The following CDH20 variants were observed in gnomAD, a reference collection of about 807,000 sequenced individuals.
CDH20 encodes cadherin-20.
In CDH20, 29 loss-of-function variants were observed where a neutral mutation model predicts 74.2. The ratio of observed to expected loss-of-function variants is 0.39; its 90% confidence interval spans 0.29 to 0.53. The LOEUF (loss-of-function observed/expected upper bound fraction) is 0.53, where lower values mean the gene tolerates loss of function less well. CDH20 is among the 20% of genes least tolerant of loss of function. The probability of loss-of-function intolerance (pLI) is 0.69; values close to 1 mark genes in which losing one functional copy is unlikely to be tolerated. For synonymous variants in CDH20, 469 were observed against 405.4 expected, an observed-to-expected ratio of 1.16 and a Z score of -1.88; for missense variants, 988 against 1,048.3, an observed-to-expected ratio of 0.94 and a Z score of 0.79.
At chr18:61,535,398 T>C (rs950113634) in intron 7 of CDH20, among the ~76,000 whole-genome samples, 1 of 152,206 alleles carries the variant, frequency 6.6e-6, no homozygotes, top group African/African-American at 2.4e-5. Context: ...TCATTGATGG[T>C]TCTCAATCAT....
intron 1 of CDH20, among the ~76,000 whole-genome samples, chr18:61,392,119 C>T (rs965527591): frequency 3.3e-5 from 5 of 152,068 alleles, no homozygotes; most frequent in Non-Finnish European, 2.9e-5. Flanking sequence ...CACCTCCAGC[C>T]CCCTCTCTTG....
At chr18:61,514,303 G>T (rs1911899912) in intron 6 of CDH20, among the ~76,000 whole-genome samples, 1 of 151,300 alleles carries the variant, frequency 6.6e-6, no homozygotes. Flanking sequence ...AGCTCCTGAG[G>T]CTTCTGCATT....
chr18:61,547,218 C>T (rs906902704), intron 10 of CDH20, among the ~76,000 whole-genome samples: 3 of 152,000 alleles, frequency 2.0e-5, no homozygotes, highest in Admixed American at 2.0e-4. Context: ...GTCCCAGCTA[C>T]TTGGGAGGCT....
intron 1 of CDH20, among the ~76,000 whole-genome samples, chr18:61,471,342 C>T (rs1057039105): frequency 1.3e-5 from 2 of 152,172 alleles, no homozygotes; most frequent in African/African-American, 2.4e-5. Flanking sequence ...ACTAGGAAAA[C>T]AGTTGACAAG....
chr18:61,361,530 G>A (rs1435204091), intron 1 of CDH20, among the ~76,000 whole-genome samples: 1 of 152,162 alleles, frequency 6.6e-6, no homozygotes, highest in Non-Finnish European at 1.5e-5. Context: ...AAGAACAGAT[G>A]AATATTTTTT....
intron 6 of CDH20, among the ~76,000 whole-genome samples, chr18:61,520,764 G>A (rs1376728945): frequency 6.6e-6 from 1 of 151,182 alleles, no homozygotes; most frequent in African/African-American, 2.5e-5. Flanking sequence ...AATCAAATTA[G>A]AACTCAGGAT....
chr18:61,506,843 G>A (rs1911581265), intron 5 of CDH20, among the ~76,000 whole-genome samples: 1 of 152,176 alleles, frequency 6.6e-6, no homozygotes, highest in African/African-American at 2.4e-5. Context: ...AGCTGATGGA[G>A]CTTGCTCTCC....
At chr18:61,415,163 G>C (rs1912642480) in intron 1 of CDH20, among the ~76,000 whole-genome samples, 1 of 152,036 alleles carries the variant, frequency 6.6e-6, no homozygotes, top group Non-Finnish European at 1.5e-5. Context: ...ATCATTAACT[G>C]TATATTTATC....
At chr18:61,470,923 G>A (rs1910151523) in intron 1 of CDH20, among the ~76,000 whole-genome samples, 1 of 151,678 alleles carries the variant, frequency 6.6e-6, no homozygotes, top group Non-Finnish European at 1.5e-5. Context: ...AGCCACAGCT[G>A]CACATTAATT....
At chr18:61,433,509 G>A (rs977620649) in intron 1 of CDH20, among the ~76,000 whole-genome samples, 3 of 152,040 alleles carry the variant, frequency 2.0e-5, no homozygotes, top group Admixed American at 1.3e-4. Context: ...TTAAATTTCA[G>A]TCTCACACGT....
At chr18:61,427,365 C>G (rs1394802798) in intron 1 of CDH20, among the ~76,000 whole-genome samples, 1 of 152,082 alleles carries the variant, frequency 6.6e-6, no homozygotes. Context: ...AAGTGAGGAA[C>G]AGAGATTTAA....
chr18:61,521,599 A>T (rs1912209157), intron 6 of CDH20, among the ~76,000 whole-genome samples: 1 of 151,302 alleles, frequency 6.6e-6, no homozygotes, highest in South Asian at 2.1e-4. Flanking sequence ...CTGATACCAA[A>T]ACCTGGCAGA....
intron 2 of CDH20, among the ~76,000 whole-genome samples, chr18:61,496,664 AG>A (rs1260330461): frequency 6.6e-6 from 1 of 152,196 alleles, no homozygotes; most frequent in East Asian, 1.9e-4. Flanking sequence ...CCGGGATCAC[AG>A]GTGTGCTGAA....
At chr18:61,412,321 CA>C (rs1337840320) in intron 1 of CDH20, among the ~76,000 whole-genome samples, 1 of 152,034 alleles carries the variant, frequency 6.6e-6, no homozygotes, top group Non-Finnish European at 1.5e-5. Context: ...ATAAGGTTGG[CA>C]AAATTTTGTT....
chr18:61,511,250 G>A (rs1180255503), intron 6 of CDH20, among the ~76,000 whole-genome samples: 1 of 151,504 alleles, frequency 6.6e-6, no homozygotes, highest in African/African-American at 2.4e-5. Flanking sequence ...TGTAGTCCCA[G>A]CTACTCAGGA....
chr18:61,354,198 C>T (rs910546630), intron 1 of CDH20, among the ~76,000 whole-genome samples: 2 of 152,198 alleles, frequency 1.3e-5, no homozygotes, highest in Non-Finnish European at 2.9e-5. Context: ...GCAGATGGTT[C>T]TCTTAGTGAG....
chr18:61,365,862 T>C (rs1056878728), intron 1 of CDH20, among the ~76,000 whole-genome samples: 2 of 152,158 alleles, frequency 1.3e-5, no homozygotes, highest in African/African-American at 2.4e-5. Context: ...AAGTCTTAAG[T>C]CTCTTCACAA....
intron 1 of CDH20, among the ~76,000 whole-genome samples, chr18:61,343,361 A>G (rs1425738595): frequency 6.6e-6 from 1 of 152,200 alleles, no homozygotes; most frequent in Non-Finnish European, 1.5e-5. Context: ...AATGGGGTCA[A>G]AAAGGCTGAT....
At chr18:61,448,304 A>G (rs115986739) in intron 1 of CDH20, among the ~76,000 whole-genome samples, 214 of 152,316 alleles carry the variant, frequency 1.4e-3, no homozygotes, top group African/African-American at 5.0e-3. Context: ...GTATTTCAGA[A>G]TACTTGTAAG....
Sources: gnomAD v4.1 joint callset for allele counts (sites outside exome capture counted in the v4.1 genomes callset) on GRCh38, gnomAD v4.1.1 for gene constraint, MANE v1.5 for transcripts, NCBI Gene and HGNC (gene_info 2026-07-23, HGNC 2026-07-21) for gene names.